ADAMTSL1: variants seen among roughly 807,000 people sequenced by gnomAD.
ADAMTSL1 encodes the protein ADAMTS-like protein 1.
In ADAMTSL1, 126 loss-of-function variants were observed where a neutral mutation model predicts 201.8. The observed-to-expected ratio is 0.62, with a 90% CI of 0.54 to 0.72. The LOEUF is 0.72. Ranked by LOEUF, ADAMTSL1 falls within the 30% of genes least tolerant of loss-of-function variation. The pLI is 0.00. For synonymous variants in ADAMTSL1, 1,121 were observed against 903.4 expected, an observed-to-expected ratio of 1.24 and a Z score of -4.32; for missense variants, 2,679 against 2,277.8, an observed-to-expected ratio of 1.18 and a Z score of -3.59.
intron 4 of ADAMTSL1, among the ~76,000 whole-genome samples, chr9:18,605,311 AT>A (rs1824939895): frequency 6.6e-6 from 1 of 152,216 alleles, no homozygotes; most frequent in Admixed American, 6.5e-5. Context: ...CACATCTGCA[AT>A]TTAAATGACT....
intron 2 of ADAMTSL1, among the ~76,000 whole-genome samples, chr9:18,185,578 T>C (rs890448734): frequency 6.6e-6 from 1 of 152,114 alleles, no homozygotes; most frequent in Non-Finnish European, 1.5e-5. Flanking sequence ...TCTTAAACTA[T>C]GAAACAAAGA....
intron 7 of ADAMTSL1, among the ~76,000 whole-genome samples, chr9:18,655,833 A>AAAAAAAAAAAAAAAAAAAAAAAAAAC (rs1828618330): frequency 1.0e-5 from 1 of 99,542 alleles, no homozygotes; most frequent in Non-Finnish European, 2.3e-5. Flanking sequence ...AAAAAAAAAA[A>AAAAAAAAAAAAAAAAAAAAAAAAAAC]AAAAGAACTT....
At chr9:18,281,721 T>C (rs541516096) in intron 2 of ADAMTSL1, among the ~76,000 whole-genome samples, 4 of 152,312 alleles carry the variant, frequency 2.6e-5, no homozygotes, top group East Asian at 1.9e-4. Flanking sequence ...CCATGTTCAA[T>C]TGAGTTCACA....
chr9:18,004,709 A>T (rs1819745838), intron 1 of ADAMTSL1, among the ~76,000 whole-genome samples: 2 of 152,072 alleles, frequency 1.3e-5, no homozygotes, highest in Admixed American at 1.3e-4. Context: ...GCTACCTTTG[A>T]TGCATTACAG....
At chr9:18,100,843 C>G (rs1412010713) in intron 1 of ADAMTSL1, among the ~76,000 whole-genome samples, 1 of 152,190 alleles carries the variant, frequency 6.6e-6, no homozygotes, top group Non-Finnish European at 1.5e-5. Context: ...AAATTGACCT[C>G]CTATGTTTTC....
chr9:18,884,257 C>T (rs890418104), intron 23 of ADAMTSL1, among the ~76,000 whole-genome samples: 1 of 152,050 alleles, frequency 6.6e-6, no homozygotes, highest in African/African-American at 2.4e-5. Context: ...TGGGCATTTG[C>T]CTGAACCGGG....
At chr9:18,836,637 TGAG>T (rs949526534) in intron 23 of ADAMTSL1, among the ~76,000 whole-genome samples, 4 of 152,108 alleles carry the variant, frequency 2.6e-5, no homozygotes, top group Non-Finnish European at 5.9e-5. Flanking sequence ...CTGTGAAAAA[TGAG>T]GTTGATAGTT....
chr9:17,947,613 G>T (rs1368007396), intron 1 of ADAMTSL1, among the ~76,000 whole-genome samples: 1 of 152,092 alleles, frequency 6.6e-6, no homozygotes, highest in East Asian at 1.9e-4. Context: ...AAGACACGGT[G>T]AATTTCCCAA....
chr9:18,594,170 G>A (rs1034194470), intron 4 of ADAMTSL1, among the ~76,000 whole-genome samples: 7 of 151,614 alleles, frequency 4.6e-5, no homozygotes, highest in East Asian at 1.9e-4. Flanking sequence ...TTCCTTCAGC[G>A]TTCTGAGCGT....
Position 18,892,493 on chromosome 9 carries a change from C to T in ADAMTSL1, c.4748C>T (p.Pro1583Leu), listed in dbSNP as rs919251116. ...QKLKASGISTPVSNDMCTQVA... is the reference protein window; with the variant it reads ...QKLKASGISTLVSNDMCTQVA... ...CTGAAAGCCTCTGGGATCTCCACCC[C>T]TGTGTCCAATGACATGTGCACCCAG... The change falls in exon 26 of 29, where the codon CCT (proline) becomes CTT (leucine). Residue 1583 changes from proline (P) to leucine (L), a missense_variant. Coordinates refer to ENST00000380548, the MANE Select transcript of ADAMTSL1 (RefSeq NM_001040272.6). The T allele has an allele frequency of 6.2e-7, 1 of 1,609,252 alleles. No individual in the cohort carries two copies. The highest frequency in any genetic ancestry group is 1.3e-5 in the African/African-American group (1 of 74,986).
chr9:18,207,072 G>T (rs1177309986), intron 2 of ADAMTSL1, among the ~76,000 whole-genome samples: 2 of 152,116 alleles, frequency 1.3e-5, no homozygotes, highest in African/African-American at 4.8e-5. Flanking sequence ...GGCTCAGGTA[G>T]GAGAATCGCT....
chr9:18,156,788 G>C (rs1282058387), intron 1 of ADAMTSL1, among the ~76,000 whole-genome samples: 5 of 152,042 alleles, frequency 3.3e-5, no homozygotes, highest in Non-Finnish European at 7.4e-5. Context: ...CATTGTCTAA[G>C]TGTAGGTATG....
chr9:18,346,796 TAC>T (rs1835738685), intron 2 of ADAMTSL1, among the ~76,000 whole-genome samples: 2 of 152,144 alleles, frequency 1.3e-5, no homozygotes, highest in African/African-American at 4.8e-5. Flanking sequence ...CCTGATTCCT[TAC>T]AGTGTTTTTA....
chr9:18,129,360 A>C (rs1825858151), intron 1 of ADAMTSL1, among the ~76,000 whole-genome samples: 2 of 152,310 alleles, frequency 1.3e-5, no homozygotes, highest in South Asian at 2.1e-4. Context: ...TTTAAAAATA[A>C]GAACATTGCA....
At chr9:18,723,063 G>C (rs1352435456) in intron 15 of ADAMTSL1, 1 of 779,474 alleles carries the variant, frequency 1.3e-6, no homozygotes, top group East Asian at 2.4e-5. Flanking sequence ...TTCTTTGTTA[G>C]GCAACCAAGA....
At chr9:18,616,787 T>C (rs989003958) in intron 4 of ADAMTSL1, among the ~76,000 whole-genome samples, 2 of 152,212 alleles carry the variant, frequency 1.3e-5, no homozygotes, top group Non-Finnish European at 2.9e-5. Flanking sequence ...CACTCATTTG[T>C]TCTTGTGAAT....
rs538055291 is a variant in ADAMTSL1, at chr9:18,300,745, T to TA, written c.207+136764_207+136765insA. ...TAATACAGGAAAAAAGCAAAGGAAA[T>TA]TTCTGAGATTAAGGCAAAGGGAAGT... On this transcript the variant is annotated intron_variant, in intron 2 of 29. Coordinates refer to the ADAMTSL1 transcript ENST00000680146. Among the ~76,000 whole-genome samples the TA allele has an allele frequency of 3.3e-5, 5 of 152,084 alleles. No homozygotes were observed. The South Asian group carries it at 1.0e-3, about 32-fold the overall frequency.
intron 21 of ADAMTSL1, among the ~76,000 whole-genome samples, chr9:18,823,069 G>A (rs1036875996): frequency 6.6e-6 from 1 of 152,200 alleles, no homozygotes; most frequent in Non-Finnish European, 1.5e-5. Flanking sequence ...TCACTCCAAG[G>A]TGTCTTAGTA....
intron 2 of ADAMTSL1, among the ~76,000 whole-genome samples, chr9:18,335,159 A>C (rs1835181088): frequency 6.6e-6 from 1 of 152,148 alleles, no homozygotes; most frequent in Non-Finnish European, 1.5e-5. Context: ...CCTTCTTTCC[A>C]AGGGGCTCCA....
Sources: gnomAD v4.1 joint callset for allele counts (sites outside exome capture counted in the v4.1 genomes callset) on GRCh38, gnomAD v4.1.1 for gene constraint, MANE v1.5 for transcripts, NCBI Gene and HGNC (gene_info 2026-07-23, HGNC 2026-07-21) for gene names.